REEP3: variants seen among roughly 807,000 people sequenced by gnomAD.
The protein encoded by REEP3 is receptor expression-enhancing protein 3.
Under a neutral mutation model 41.3 loss-of-function variants are expected in REEP3, and 20 were observed. The ratio of observed to expected loss-of-function variants is 0.48; its 90% CI spans 0.34 to 0.70. The LOEUF is 0.70. REEP3 is among the 30% of genes least tolerant of loss of function. The pLI is 0.01. For synonymous variants in REEP3, 104 were observed against 101.8 expected, an observed-to-expected ratio of 1.02 and a Z score of -0.13; for missense variants, 271 against 308.8, an observed-to-expected ratio of 0.88 and a Z score of 0.92.
intron 1 of REEP3, among the ~76,000 whole-genome samples, chr10:63,559,249 TACTA>T (rs1955719325): frequency 6.6e-6 from 1 of 152,188 alleles, no homozygotes; most frequent in South Asian, 2.1e-4. Flanking sequence ...TTATTAACAC[TACTA>T]ACTATGATAT....
chr10:63,560,319 T>C (rs16918599), intron 1 of REEP3, among the ~76,000 whole-genome samples: 18,018 of 152,248 alleles, frequency 0.12, 1,375 homozygotes, highest in East Asian at 0.28. Context: ...TTGACCAGTT[T>C]TGTTATTAAA....
At chr10:63,599,804 C>G (rs1266138413) in intron 5 of REEP3, 2 of 424,106 alleles carry the variant, frequency 4.7e-6, no homozygotes, top group African/African-American at 4.3e-5. Flanking sequence ...TGTTTGCAAG[C>G]CAAGTTATCA....
chr10:63,551,806 T>G (rs115403874), intron 1 of REEP3, among the ~76,000 whole-genome samples: 470 of 152,220 alleles, frequency 3.1e-3, no homozygotes, highest in African/African-American at 0.01. Flanking sequence ...AATGAGACCT[T>G]AGGAAAAACC....
intron 5 of REEP3, among the ~76,000 whole-genome samples, chr10:63,603,038 G>C (rs1272856432): frequency 2.7e-5 from 4 of 146,780 alleles, no homozygotes; most frequent in African/African-American, 1.0e-4. Flanking sequence ...CCATGGCTGG[G>C]CGCAGTGGCT....
intron 5 of REEP3, among the ~76,000 whole-genome samples, chr10:63,604,211 C>G (rs543511428): frequency 1.3e-5 from 2 of 152,276 alleles, no homozygotes; most frequent in South Asian, 4.1e-4. Context: ...AAATGTTACT[C>G]AGTTCTATGA....
At chr10:63,577,769 T>A (rs1276177631) in intron 2 of REEP3, among the ~76,000 whole-genome samples, 1 of 152,046 alleles carries the variant, frequency 6.6e-6, no homozygotes, top group African/African-American at 2.4e-5. Flanking sequence ...TTTGCCACCA[T>A]TTCTTTTGGC....
At chr10:63,542,085 G>GTTTTTT (rs56908733) in intron 1 of REEP3, among the ~76,000 whole-genome samples, 1 of 145,148 alleles carries the variant, frequency 6.9e-6, no homozygotes, top group Non-Finnish European at 1.5e-5. Context: ...TTTTGTTTTT[G>GTTTTTT]TTTTTTTTTT....
chr10:63,529,249 C>G (rs1178592733), intron 1 of REEP3, among the ~76,000 whole-genome samples: 1 of 152,048 alleles, frequency 6.6e-6, no homozygotes, highest in Non-Finnish European at 1.5e-5. Context: ...CACTAATGAG[C>G]CTCTTTCCAG....
At chr10:63,531,723 G>C (rs1466674774) in intron 1 of REEP3, among the ~76,000 whole-genome samples, 3 of 152,068 alleles carry the variant, frequency 2.0e-5, no homozygotes, top group Non-Finnish European at 4.4e-5. Context: ...TCCTTTACGA[G>C]ATATAGTCCG....
At chr10:63,521,903 G>GCGCGCTCCCCGCTCCTGCTCCC (rs1299346226) in intron 1 of REEP3, 2 of 150,944 alleles carry the variant, frequency 1.3e-5, no homozygotes, top group African/African-American at 4.9e-5. Context: ...GGCAGGCGGC[G>GCGCGCTCCCCGCTCCTGCTCCC]CGCGCTCCCC....
At chr10:63,545,454 A>C (rs1412071523) in intron 1 of REEP3, among the ~76,000 whole-genome samples, 1 of 151,958 alleles carries the variant, frequency 6.6e-6, no homozygotes, top group Non-Finnish European at 1.5e-5. Context: ...GGCTCACTGC[A>C]ACCTCCGCCT....
intron 2 of REEP3, among the ~76,000 whole-genome samples, chr10:63,592,551 C>A (rs888411982): frequency 1.8e-4 from 28 of 152,134 alleles, no homozygotes; most frequent in Non-Finnish European, 2.2e-4. Context: ...TTTTTTCCTT[C>A]GTTTCTTTTT....
intron 1 of REEP3, among the ~76,000 whole-genome samples, chr10:63,535,072 T>C (rs1447173197): frequency 6.6e-6 from 1 of 152,206 alleles, no homozygotes; most frequent in African/African-American, 2.4e-5. Flanking sequence ...GTATGGTCTC[T>C]GTCATGTGAA....
intron 1 of REEP3, among the ~76,000 whole-genome samples, chr10:63,558,556 G>A (rs990394713): frequency 2.0e-5 from 3 of 152,138 alleles, no homozygotes; most frequent in African/African-American, 7.2e-5. Context: ...GGAGGCCGAG[G>A]CAGACAGATT....
At chr10:63,521,970 C>G (rs1237614986) in intron 1 of REEP3, 1 of 151,562 alleles carries the variant, frequency 6.6e-6, no homozygotes, top group Non-Finnish European at 1.5e-5. Context: ...CGGCGCGCCT[C>G]GCAGCTGCTC....
In REEP3 at chr10:63,561,287, A is replaced by G. The variant is rs542708933; in HGVS notation, c.33-5051A>G. Among the ~76,000 whole-genome samples the G allele has an allele frequency of 5.3e-5, 8 of 152,360 alleles. No individual in the cohort carries two copies. The South Asian group carries it at 1.7e-3, about 32-fold the overall frequency. On this transcript the variant is annotated intron_variant, in intron 1 of 7. Transcript: ENST00000373758. ...AAATGGAAAATGACTAGTCCTGACAAATTCTTCTAAAATGCAAAATAGCGG... is the reference window on the plus strand; with the variant it reads ...AAATGGAAAATGACTAGTCCTGACAGATTCTTCTAAAATGCAAAATAGCGG...
At chr10:63,569,871 G>T (rs536219176) in intron 2 of REEP3, among the ~76,000 whole-genome samples, 33 of 152,134 alleles carry the variant, frequency 2.2e-4, no homozygotes, top group African/African-American at 8.0e-4. Context: ...GAGCCTGGGA[G>T]TCGAGACTAC....
intron 1 of REEP3, among the ~76,000 whole-genome samples, chr10:63,564,107 A>G (rs887829004): frequency 5.9e-5 from 9 of 152,228 alleles, no homozygotes; most frequent in Non-Finnish European, 1.2e-4. Context: ...GCACTGGTAC[A>G]TTAATTGTAA....
rs1956381905 is a variant in REEP3 at position 63,624,550 on chromosome 10, T to C, written c.*3681T>C. 6.6e-6 allele frequency: 1 copy of C among 152,178 alleles called. No individual in the cohort carries two copies. The highest frequency in any genetic ancestry group is 1.5e-5 in the Non-Finnish European group (1 of 67,974). The allele number at this position is 152,178 out of a possible 1,614,324, so 9.4% of individuals were successfully genotyped here. On this transcript the variant is annotated 3_prime_UTR_variant, in exon 8 of 8. Transcript: ENST00000373758. ...GGTGTGTTTTTTGATAACTTTAATA[T>C]AAAATAAACTCATTTTATTTGTGGC...
Sources: allele counts gnomAD v4.1 joint callset (sites outside exome capture counted in the v4.1 genomes callset), GRCh38; gene constraint gnomAD v4.1.1; transcripts MANE v1.5; gene names NCBI Gene and HGNC (gene_info 2026-07-23, HGNC 2026-07-21).